Variants in TRPM3 observed in about 807,000 individuals in gnomAD.
TRPM3 encodes transient receptor potential cation channel subfamily M member 3.
Under a neutral mutation model 181.2 loss-of-function variants are expected in TRPM3, and 77 were observed. The ratio of observed to expected loss-of-function variants is 0.42; its 90% CI spans 0.35 to 0.51. The LOEUF is 0.51. Ranked by LOEUF, TRPM3 falls within the 20% of genes least tolerant of loss-of-function variation. The probability of loss-of-function intolerance (pLI) is 0.01; values close to 1 mark genes in which losing one functional copy is unlikely to be tolerated. For missense variants in TRPM3, 1,759 were observed against 2,196.7 expected (o/e 0.80, Z 3.98); for synonymous variants, 745 against 796.4 (o/e 0.94, Z 1.09).
chr9:71,152,344 A>G (rs2075778560), intron 1 of TRPM3, among the ~76,000 whole-genome samples: 1 of 152,162 alleles, frequency 6.6e-6, no homozygotes, highest in Non-Finnish European at 1.5e-5. Flanking sequence ...GCTTCTGAGG[A>G]CTTAAGGACT....
intron 6 of TRPM3, among the ~76,000 whole-genome samples, chr9:70,822,513 A>G (rs1040474675): frequency 1.3e-5 from 2 of 152,068 alleles, no homozygotes; most frequent in Admixed American, 1.3e-4. Flanking sequence ...AAAGATAGAA[A>G]GTAGAAGAGT....
At chr9:71,324,508 A>C (rs1371123034) in intron 1 of TRPM3, among the ~76,000 whole-genome samples, 5 of 151,958 alleles carry the variant, frequency 3.3e-5, no homozygotes, top group Non-Finnish European at 2.9e-5. Flanking sequence ...ACTCTTATAC[A>C]CTGTTGATGG....
chr9:71,009,472 A>G (rs2097713813), intron 1 of TRPM3, among the ~76,000 whole-genome samples: 1 of 152,192 alleles, frequency 6.6e-6, no homozygotes. Context: ...AAAGTAATTA[A>G]GAAAACAATT....
At chr9:70,767,241 T>C (rs1179465310) in intron 7 of TRPM3, among the ~76,000 whole-genome samples, 3 of 152,146 alleles carry the variant, frequency 2.0e-5, no homozygotes, top group Non-Finnish European at 4.4e-5. Flanking sequence ...TTTCCTATGT[T>C]TGGGAAATGG....
At chr9:71,186,595 T>C (rs951481028) in intron 1 of TRPM3, among the ~76,000 whole-genome samples, 1 of 151,990 alleles carries the variant, frequency 6.6e-6, no homozygotes, top group African/African-American at 2.4e-5. Context: ...CACAAATAAA[T>C]CATGGCAATA....
chr9:70,924,664 A>G (rs2096701836), intron 1 of TRPM3, among the ~76,000 whole-genome samples: 1 of 152,140 alleles, frequency 6.6e-6, no homozygotes, highest in African/African-American at 2.4e-5. Context: ...ATATTAGAAT[A>G]CTCGTCAGGC....
At chr9:71,084,298 C>A (rs1456167898) in intron 1 of TRPM3, among the ~76,000 whole-genome samples, 1 of 152,026 alleles carries the variant, frequency 6.6e-6, no homozygotes, top group Non-Finnish European at 1.5e-5. Context: ...TGTAATTGCA[C>A]ATGGCTTCAC....
At chr9:71,361,534 C>G (rs1278548085) in intron 1 of TRPM3, among the ~76,000 whole-genome samples, 1 of 152,168 alleles carries the variant, frequency 6.6e-6, no homozygotes, top group Non-Finnish European at 1.5e-5. Flanking sequence ...GTAGTAACTA[C>G]AGGAGTTTTA....
At chr9:70,661,732 T>G (rs1010416450) in intron 9 of TRPM3, among the ~76,000 whole-genome samples, 28 of 152,056 alleles carry the variant, frequency 1.8e-4, no homozygotes, top group African/African-American at 5.8e-4. Context: ...GTGAAAGATC[T>G]CTACCAAAAA....
At chr9:71,318,439 A>G (rs1044537169) in intron 1 of TRPM3, among the ~76,000 whole-genome samples, 1 of 152,168 alleles carries the variant, frequency 6.6e-6, no homozygotes, top group African/African-American at 2.4e-5. Flanking sequence ...ATGGTGAAAC[A>G]AGTGTTTTAT....
chr9:70,927,407 A>C (rs2096731371), intron 1 of TRPM3, among the ~76,000 whole-genome samples: 1 of 152,196 alleles, frequency 6.6e-6, no homozygotes, highest in Non-Finnish European at 1.5e-5. Context: ...TATGGGTAAA[A>C]TTTCAGGAAA....
chr9:70,673,324 G>A (rs2134108921), intron 9 of TRPM3, among the ~76,000 whole-genome samples: 1 of 152,016 alleles, frequency 6.6e-6, no homozygotes, highest in Non-Finnish European at 1.5e-5. Flanking sequence ...GAATAAAGGG[G>A]TAAAATGGAC....
At chr9:71,307,454 A>C (rs1588414648) in intron 1 of TRPM3, among the ~76,000 whole-genome samples, 1 of 152,192 alleles carries the variant, frequency 6.6e-6, no homozygotes, top group Non-Finnish European at 1.5e-5. Context: ...TATTTACTGT[A>C]ATTTTTAGAA....
intron 9 of TRPM3, among the ~76,000 whole-genome samples, chr9:70,668,690 A>G (rs935995033): frequency 6.6e-6 from 1 of 150,824 alleles, no homozygotes; most frequent in Admixed American, 6.6e-5. Flanking sequence ...AAAAAAAAAA[A>G]AAAAAAAGAA....
At chr9:70,860,158 T>A (rs1269086098) in intron 3 of TRPM3, among the ~76,000 whole-genome samples, 1 of 152,202 alleles carries the variant, frequency 6.6e-6, no homozygotes. Context: ...CCAGGTACTT[T>A]TAATTTTCTC....
At chr9:71,414,221 G>A (rs1211621153) in intron 1 of TRPM3, among the ~76,000 whole-genome samples, 1 of 151,994 alleles carries the variant, frequency 6.6e-6, no homozygotes, top group African/African-American at 2.4e-5. Context: ...ACCATTTGAG[G>A]GCAGAAGCCA....
At chr9:71,345,258 A>T (rs1323242643) in intron 1 of TRPM3, among the ~76,000 whole-genome samples, 2 of 152,212 alleles carry the variant, frequency 1.3e-5, no homozygotes, top group African/African-American at 4.8e-5. Context: ...CCAAAGGATT[A>T]CAAATCATTC....
chr9:70,681,413 C>G, intron 9 of TRPM3, 93 bp downstream of exon 9: 1 of 1,029,690 alleles, frequency 9.7e-7, no homozygotes, highest in Admixed American at 1.9e-5. Flanking sequence ...GTCATAGTAT[C>G]ATTTGGGATT....
intron 1 of TRPM3, among the ~76,000 whole-genome samples, chr9:71,145,016 A>C (rs557110995): frequency 2.6e-5 from 4 of 152,180 alleles, no homozygotes; most frequent in East Asian, 1.9e-4. Flanking sequence ...AAAAGTTATA[A>C]TGAGATAACA....
Sources: allele counts gnomAD v4.1 joint callset (sites outside exome capture counted in the v4.1 genomes callset), GRCh38; gene constraint gnomAD v4.1.1; transcripts MANE v1.5; gene names NCBI Gene and HGNC (gene_info 2026-07-23, HGNC 2026-07-21).